The following MPHOSPH10 variants were observed in gnomAD, a reference collection of about 807,000 sequenced individuals.
MPHOSPH10 encodes M-phase phosphoprotein 10.
A neutral mutation model predicts 77.3 loss-of-function variants in MPHOSPH10; 33 were observed. That is an observed-to-expected ratio of 0.43 (90% confidence interval 0.32 to 0.57). MPHOSPH10 has a LOEUF of 0.57. Among genes scored for constraint, MPHOSPH10 ranks in the 20% least tolerant of loss-of-function variants. The probability of loss-of-function intolerance (pLI) is 0.07; values close to 1 mark genes in which losing one functional copy is unlikely to be tolerated. For synonymous variants in MPHOSPH10, 245 were observed against 268.0 expected, an observed-to-expected ratio of 0.91 and a Z score of 0.84; for missense variants, 708 against 780.1, an observed-to-expected ratio of 0.91 and a Z score of 1.10.
intron 8 of MPHOSPH10, among the ~76,000 whole-genome samples, chr2:71,145,120 T>C (rs781219346): frequency 2.0e-5 from 3 of 152,104 alleles, no homozygotes; most frequent in Admixed American, 6.5e-5. Flanking sequence ...CCCTCTCAAA[T>C]GCTCCTCCCC....
At chr2:71,131,940 A>G (rs1673394007) in intron 1 of MPHOSPH10, among the ~76,000 whole-genome samples, 1 of 152,204 alleles carries the variant, frequency 6.6e-6, no homozygotes, top group Admixed American at 6.5e-5. Flanking sequence ...CACAGGGGTT[A>G]CAATGGCTGA....
intron 7 of MPHOSPH10, among the ~76,000 whole-genome samples, chr2:71,144,055 A>G (rs1182746884): frequency 2.0e-5 from 3 of 152,130 alleles, no homozygotes; most frequent in East Asian, 3.9e-4. Context: ...CTACCTATCA[A>G]CAATGCACAA....
intron 9 of MPHOSPH10, chr2:71,148,693 C>A: frequency 6.2e-6 from 1 of 161,892 alleles, no homozygotes; most frequent in Admixed American, 5.9e-5. Flanking sequence ...CTCACCCCTT[C>A]TGTCTGAGCC....
At chr2:71,149,120 A>G in intron 9 of MPHOSPH10, 103 bp from the exon 10 acceptor site, 1 of 1,047,162 alleles carries the variant, frequency 9.5e-7, no homozygotes. Flanking sequence ...ATTTGGCCAC[A>G]GATGCACAGC....
At chr2:71,143,439 T>C (rs1202011371) in intron 7 of MPHOSPH10, among the ~76,000 whole-genome samples, 4 of 152,182 alleles carry the variant, frequency 2.6e-5, no homozygotes, top group Non-Finnish European at 4.4e-5. Context: ...CCAGCCACCA[T>C]GCTGGGCCAT....
At chr2:71,135,380 T>TA (rs1336598710) in intron 4 of MPHOSPH10, among the ~76,000 whole-genome samples, 1 of 132,976 alleles carries the variant, frequency 7.5e-6, no homozygotes. Context: ...ACCCCATCTC[T>TA]ACTAAAAAAA....
At chr2:71,134,856 A>G (rs1391839891) in intron 4 of MPHOSPH10, 59 bp downstream of exon 4, 10 of 1,315,218 alleles carry the variant, frequency 7.6e-6, no homozygotes, top group African/African-American at 6.0e-5. Flanking sequence ...TTTGAAAACT[A>G]TTAACCATCC....
intron 9 of MPHOSPH10, 75 bp downstream of exon 9, chr2:71,148,181 G>A (rs184680257): frequency 1.8e-4 from 231 of 1,292,682 alleles, no homozygotes; most frequent in Non-Finnish European, 2.3e-4. Context: ...TTTATTTGAC[G>A]TCATTTGCCT....
At chr2:71,148,322 G>C in intron 9 of MPHOSPH10, 1 of 454,386 alleles carries the variant, frequency 2.2e-6, no homozygotes, top group Non-Finnish European at 4.0e-6. Context: ...GAGAGTTACT[G>C]TAAGAGCAGT....
Position 71,134,093 on chromosome 2 carries a change from G to A in MPHOSPH10, c.914G>A (p.Ser305Asn), listed in dbSNP as rs139416675. Reference sequence around the variant, plus strand: ...GCTGAAGAAGAAGCAGAAGAACTAAGTATTTCGGAAACGTGAGTATTTTGA... The same window carrying A: ...GCTGAAGAAGAAGCAGAAGAACTAAATATTTCGGAAACGTGAGTATTTTGA... Reference protein sequence around the residue: ...EIAEEEAEELSISETDEDDDL... With the variant: ...EIAEEEAEELNISETDEDDDL... The change falls in exon 3 of 11, where the codon AGT becomes AAT. Residue 305 changes from serine to asparagine, a missense_variant. Ser to Asn is a conservative substitution (Grantham distance 46). Coordinates refer to ENST00000244230, the MANE Select transcript of MPHOSPH10 (RefSeq NM_005791.3). The A allele has an allele frequency of 1.8e-4, 289 of 1,604,720 alleles. 2 individuals are homozygous for A. Among genetic ancestry groups the A allele is most frequent in the South Asian group, 1.8e-4 (16 of 88,758 alleles).
At chr2:71,135,023 TG>T (rs1358047997) in intron 4 of MPHOSPH10, among the ~76,000 whole-genome samples, 2 of 152,124 alleles carry the variant, frequency 1.3e-5, no homozygotes, top group African/African-American at 4.8e-5. Flanking sequence ...AAAAATTAGC[TG>T]GGCATGGTGA....
chr2:71,143,366 C>T (rs147963434), intron 7 of MPHOSPH10, among the ~76,000 whole-genome samples: 3,116 of 152,048 alleles, frequency 0.02, 92 homozygotes, highest in African/African-American at 0.063. Context: ...CTCCTGACCT[C>T]GTGATCCTCC....
intron 10 of MPHOSPH10, 98 bp downstream of exon 10, chr2:71,149,551 C>T (rs1673780022): frequency 3.5e-5 from 40 of 1,129,740 alleles, no homozygotes; most frequent in Non-Finnish European, 5.0e-5. Context: ...GCTGACAGCC[C>T]ACCTGCGGGA....
chr2:71,139,761 T>A, intron 5 of MPHOSPH10, 34 bp from the exon 6 acceptor site: 1 of 1,484,300 alleles, frequency 6.7e-7, no homozygotes, highest in Non-Finnish European at 9.4e-7. Context: ...CTAGTGGATA[T>A]CTACCTAATG....
intron 3 of MPHOSPH10, 89 bp from the exon 4 acceptor site, chr2:71,134,537 T>C (rs1673449463): frequency 1.6e-6 from 2 of 1,250,246 alleles, no homozygotes; most frequent in Admixed American, 2.5e-5. Flanking sequence ...GTATATAAAA[T>C]AAGAACTTTA....
chr2:71,149,082 A>C, intron 9 of MPHOSPH10, 141 bp from the exon 10 acceptor site: 1 of 690,528 alleles, frequency 1.4e-6, no homozygotes. Context: ...ATTGGAATGC[A>C]GGTGGGGATT....
rs762630116 is a variant in MPHOSPH10 at position 71,138,518 on chromosome 2, A to C, written c.1127A>C (p.Lys376Thr). 3.8e-6 allele frequency: 6 copies of C among 1,593,636 alleles called. No individual in the cohort carries two copies. The Admixed American group carries it at 1.1e-4, about 29-fold the overall frequency. The stretch of plus-strand genomic sequence containing the variant: ...AATGAAAAAATTGCATCTTTAGAAA[A>C]AGAGTTGTTAGAAAAAAAGCCGTGG... Reference protein sequence around the residue: ...KMNEKIASLEKELLEKKPWQL... With the variant: ...KMNEKIASLETELLEKKPWQL... Residue 376 changes from lysine to threonine, a missense_variant, in exon 5 of 11, where the codon AAA becomes ACA. Coordinates refer to ENST00000244230, the MANE Select transcript of MPHOSPH10 (RefSeq NM_005791.3).
intron 1 of MPHOSPH10, 146 bp from the exon 2 acceptor site, chr2:71,132,751 AG>A: frequency 1.9e-6 from 2 of 1,055,912 alleles, no homozygotes; most frequent in South Asian, 3.8e-5. Context: ...GTAGCTCATC[AG>A]CTTATATGTT....
chr2:71,137,391 G>T (rs934429020), intron 4 of MPHOSPH10, among the ~76,000 whole-genome samples: 2 of 152,160 alleles, frequency 1.3e-5, no homozygotes, highest in Non-Finnish European at 2.9e-5. Context: ...AGGTGCGGTG[G>T]CTCATGCCTG....
Sources: gnomAD v4.1 joint callset for allele counts (sites outside exome capture counted in the v4.1 genomes callset) on GRCh38, gnomAD v4.1.1 for gene constraint, MANE v1.5 for transcripts, NCBI Gene and HGNC (gene_info 2026-07-23, HGNC 2026-07-21) for gene names.